The following EFTUD2 variants were observed in gnomAD, a reference collection of about 807,000 sequenced individuals.
EFTUD2 encodes 116 kDa U5 small nuclear ribonucleoprotein component.
Under a neutral mutation model 114.3 loss-of-function variants are expected in EFTUD2, and 9 were observed. The ratio of observed to expected loss-of-function variants is 0.08; its 90% CI spans 0.05 to 0.14. EFTUD2 has a LOEUF of 0.14. Among genes scored for constraint, EFTUD2 ranks in the 10% least tolerant of loss-of-function variants. The pLI is 1.00. For synonymous variants in EFTUD2, 449 were observed against 462.3 expected, an observed-to-expected ratio of 0.97 and a Z score of 0.37; for missense variants, 765 against 1,241.2, an observed-to-expected ratio of 0.62 and a Z score of 5.76.
chr17:44,863,741 C>T lies in EFTUD2; in HGVS notation c.1327G>A (p.Val443Met), dbSNP rs1351992493. The T allele has an allele frequency of 6.2e-6, 10 of 1,614,170 alleles. 1 individual carries two copies. The South Asian group carries it at 8.8e-5, about 14-fold the overall frequency. ...TGCTCAATCTTGGGCTTGGCGCCCACCTTTGGAGAAGGGATATGCTGCACA... is the reference window on the plus strand; with the variant it reads ...TGCTCAATCTTGGGCTTGGCGCCCATCTTTGGAGAAGGGATATGCTGCACA... ...MCVQHIPSPK[V>M]GAKPKIEHTY... is the part of the protein sequence containing the mutation. The change falls in exon 15 of 28, where the codon GTG becomes ATG. Residue 443 changes from valine to methionine, a missense_variant. Around this residue, in one of 6 missense-constraint regions of EFTUD2, gnomAD observed 59 missense variants for 50.1 expected, o/e 1.18. Coordinates refer to ENST00000426333, the MANE Select transcript of EFTUD2 (RefSeq NM_004247.4).
At chr17:44,893,832 A>G (rs1473161590) in intron 2 of EFTUD2, among the ~76,000 whole-genome samples, 1 of 151,536 alleles carries the variant, frequency 6.6e-6, no homozygotes. Flanking sequence ...TTGGGAGGCC[A>G]AGGCAGGTGG....
intron 2 of EFTUD2, 23 bp from the exon 3 acceptor site, chr17:44,886,773 G>A (rs1251639921): frequency 1.2e-6 from 2 of 1,604,104 alleles, no homozygotes; most frequent in East Asian, 2.2e-5. Flanking sequence ...GGGAGAGGGA[G>A]AATCGAAGAG....
At position 44,850,195 on chromosome 17, in the gene EFTUD2, G is replaced by C. The variant is rs895235727; in HGVS notation, c.*1079C>G. On this transcript the variant is annotated 3_prime_UTR_variant, in exon 28 of 28. Coordinates refer to ENST00000426333, the MANE Select transcript of EFTUD2 (RefSeq NM_004247.4). ...GGTCAGATGCTTGAAGCAGCTGTTGGGACCTGGGGCAGAAAGATGAGCGGG... is the reference window on the plus strand; with the variant it reads ...GGTCAGATGCTTGAAGCAGCTGTTGCGACCTGGGGCAGAAAGATGAGCGGG... The C allele has an allele frequency of 1.6e-6, 1 of 628,070 alleles. No homozygotes were observed. The highest frequency in any genetic ancestry group is 1.8e-5 in the African/African-American group (1 of 54,958). 38.9% of individuals were successfully genotyped at this position (628,070 alleles called of 1,614,324 possible). A position where few individuals can be genotyped will look rare whatever the true frequency, so the allele number is the denominator to read the frequency against.
In EFTUD2 at chr17:44,880,486, G is replaced by A. The variant is rs1029085109; in HGVS notation, c.619+68C>T. ...AAGATGCACTGCTCCGTTCTGCTCC[G>A]AAAAGTGAGAGGACACACGCAAAAC... On this transcript the variant is annotated intron_variant, in intron 8 of 27. Transcript: ENST00000426333. 88 of 1,252,520 alleles carry A rather than the reference G, an allele frequency of 7.0e-5. No individual in the cohort carries two copies. In the African/African-American group the frequency reaches 7.4e-4, roughly 11 times the overall value. The allele number at this position is 1,252,520 out of a possible 1,614,324, so 77.6% of individuals were successfully genotyped here. A position where few individuals can be genotyped will look rare whatever the true frequency, so the allele number is the denominator to read the frequency against.
chr17:44,856,113 G>A (rs865876156), intron 20 of EFTUD2, among the ~76,000 whole-genome samples: 15 of 103,858 alleles, frequency 1.4e-4, no homozygotes, highest in East Asian at 3.5e-4. Flanking sequence ...CCTGGGTGAC[G>A]AAGTGAGACC....
At position 44,854,036 on chromosome 17, in the gene EFTUD2, T is replaced by C; in HGVS notation, c.2347+233A>G. ...TCAAATACGTCCAACGCCAAACCCT[T>C]CTCAGAAATGAGGAGCAAATGACAG... On this transcript the variant is annotated intron_variant, in intron 23 of 27. Transcript: ENST00000426333. The surrounding 1 kb of genome is among the most constrained non-coding windows in gnomAD (Gnocchi z 4.3). The C allele has an allele frequency of 1.5e-6, 2 of 1,376,466 alleles. No homozygotes were observed. The highest frequency in any genetic ancestry group is 1.9e-6 in the Non-Finnish European group (2 of 1,070,134). The allele number at this position is 1,376,466 out of a possible 1,614,324, so 85.3% of individuals were successfully genotyped here. A position where few individuals can be genotyped will look rare whatever the true frequency, so the allele number is the denominator to read the frequency against.
chr17:44,880,150 G>A (rs1012828183), intron 8 of EFTUD2, among the ~76,000 whole-genome samples: 1 of 152,144 alleles, frequency 6.6e-6, no homozygotes, highest in African/African-American at 2.4e-5. Context: ...CTTTCCATAG[G>A]AGGAAGAGTC....
intron 14 of EFTUD2, among the ~76,000 whole-genome samples, chr17:44,864,382 A>T (rs976436582): frequency 6.6e-6 from 1 of 152,086 alleles, no homozygotes; most frequent in Non-Finnish European, 1.5e-5. Context: ...TGCTGAGAAG[A>T]CCCTCAGCCA....
intron 11 of EFTUD2, among the ~76,000 whole-genome samples, chr17:44,871,541 G>A (rs1418555886): frequency 6.6e-6 from 1 of 151,506 alleles, no homozygotes; most frequent in Non-Finnish European, 1.5e-5. Context: ...GGATTTCACC[G>A]TGTTAGCCAG....
At chr17:44,887,291 T>C (rs902279471) in intron 2 of EFTUD2, among the ~76,000 whole-genome samples, 1 of 152,160 alleles carries the variant, frequency 6.6e-6, no homozygotes, top group Admixed American at 6.5e-5. Flanking sequence ...CAGAGTTACA[T>C]ATGACCCAGC....
chr17:44,877,815 AAAC>A (rs142050964), intron 9 of EFTUD2, among the ~76,000 whole-genome samples: 1,666 of 149,678 alleles, frequency 0.011, 20 homozygotes, highest in African/African-American at 0.026. Context: ...CAAAAAAACA[AAAC>A]AACAACAACA....
At chr17:44,883,612 G>T in intron 5 of EFTUD2, 37 bp downstream of exon 5, 1 of 1,591,138 alleles carries the variant, frequency 6.3e-7, no homozygotes, top group Non-Finnish European at 8.6e-7. Context: ...GTACAAAAGA[G>T]AAATCCTGTT....
intron 9 of EFTUD2, among the ~76,000 whole-genome samples, chr17:44,879,004 T>C (rs1002335016): frequency 3.3e-5 from 5 of 152,270 alleles, no homozygotes; most frequent in African/African-American, 1.2e-4. Flanking sequence ...TTTGTCATTT[T>C]ATCTTTGTGT....
chr17:44,885,849 G>A (rs527706433), intron 3 of EFTUD2, among the ~76,000 whole-genome samples: 9 of 152,104 alleles, frequency 5.9e-5, no homozygotes, highest in African/African-American at 2.2e-4. Context: ...GGTTGGTCTC[G>A]AACTGCTGGG....
chr17:44,865,577 C>T (rs2050731284), intron 13 of EFTUD2, among the ~76,000 whole-genome samples: 1 of 152,062 alleles, frequency 6.6e-6, no homozygotes, highest in African/African-American at 2.4e-5. Context: ...ACATAAGATA[C>T]TAAGTATTTT....
At chr17:44,891,596 T>C (rs952363875) in intron 2 of EFTUD2, among the ~76,000 whole-genome samples, 2 of 152,222 alleles carry the variant, frequency 1.3e-5, no homozygotes, top group Non-Finnish European at 2.9e-5. Flanking sequence ...GTGATCCTCC[T>C]GCCTTGACCT....
intron 2 of EFTUD2, among the ~76,000 whole-genome samples, chr17:44,889,345 G>A (rs1360418816): frequency 1.3e-5 from 2 of 152,152 alleles, no homozygotes; most frequent in Non-Finnish European, 2.9e-5. Context: ...CACCTAATTC[G>A]GGATGTGCTG....
In EFTUD2 at chr17:44,893,354, C is replaced by G. The variant is rs555032300; in HGVS notation, c.105+1063G>C. ...GTCAGGTTAGTCTTGAACTCCTGAC[C>G]GTGTGATCTGACCACCTTGGCCTCC... On this transcript the variant is annotated intron_variant, in intron 2 of 27. Coordinates refer to ENST00000426333, the MANE Select transcript of EFTUD2 (RefSeq NM_004247.4). Among the ~76,000 whole-genome samples, 3 of 152,250 alleles carry G rather than the reference C, an allele frequency of 2.0e-5. No homozygotes were observed. In the South Asian group the frequency reaches 6.2e-4, roughly 32 times the overall value.
At chr17:44,868,188 A>AT (rs2050785343) in intron 12 of EFTUD2, 99 bp downstream of exon 12, 1 of 1,155,810 alleles carries the variant, frequency 8.7e-7, no homozygotes, top group Non-Finnish European at 1.2e-6. Context: ...AAAAAAAAAA[A>AT]AGTAGGTATT....
Sources: allele counts gnomAD v4.1 joint callset (sites outside exome capture counted in the v4.1 genomes callset), GRCh38; gene constraint gnomAD v4.1.1; regional missense constraint gnomAD v4.1.1; non-coding constraint Gnocchi (gnomAD v3.1); transcripts MANE v1.5; gene names NCBI Gene and HGNC (gene_info 2026-07-23, HGNC 2026-07-21).